The following SPG11 variants were observed in gnomAD, a reference collection of about 807,000 sequenced individuals.
The protein encoded by SPG11 is SPG11 vesicle trafficking associated, spatacsin, also known as spatacsin.
In SPG11, 222 loss-of-function variants were observed where a neutral mutation model predicts 274.0. That is an observed-to-expected ratio of 0.81 (90% CI 0.73 to 0.91). SPG11 has a LOEUF of 0.91. SPG11 is among the 40% of genes least tolerant of loss of function. The probability of loss-of-function intolerance (pLI) is 0.00; values close to 1 mark genes in which losing one functional copy is unlikely to be tolerated. For missense variants in SPG11, 3,114 were observed against 2,872.7 expected (o/e 1.08, Z -1.92); for synonymous variants, 1,144 against 1,039.7 (o/e 1.10, Z -1.93).
chr15:44,611,649 GAA>G (rs2083461907), intron 17 of SPG11, among the ~76,000 whole-genome samples: 1 of 151,688 alleles, frequency 6.6e-6, no homozygotes, highest in Non-Finnish European at 1.5e-5. Context: ...AAAATAATCT[GAA>G]ATAAGGACAG....
Position 44,573,568 on chromosome 15 carries a change from G to A in SPG11, c.6184C>T (p.Leu2062Phe). 1 of 1,614,188 alleles carries A rather than the reference G, an allele frequency of 6.2e-7. No individual in the cohort carries two copies. Among genetic ancestry groups the A allele is most frequent in the Non-Finnish European group, 8.5e-7 (1 of 1,180,030 alleles). ...LVAEEVTREL[L>F]TSSQGTGHKQ... ...GCACCTGTTCCCTGTGATGAAGTAA[G>A]CAGCTCCCGTGTCACCTCTTCTGCC... is the stretch of plus-strand genomic sequence containing the variant. The change falls in exon 32 of 40, where the codon CTT becomes TTT. Residue 2062 changes from leucine (L) to phenylalanine (F), a missense_variant. Coordinates refer to ENST00000261866, the MANE Select transcript of SPG11 (RefSeq NM_025137.4).
chr15:44,610,854 C>T lies in SPG11; in HGVS notation c.3277G>A (p.Gly1093Arg), dbSNP rs1181722515. Residue 1093 changes from glycine (G) to arginine (R), a missense_variant, in exon 18 of 40, where the codon GGG (glycine) becomes AGG (arginine). Gly to Arg is a moderately radical substitution (Grantham distance 125). Coordinates refer to ENST00000261866, the MANE Select transcript of SPG11 (RefSeq NM_025137.4). Reference protein sequence around the residue: ...LALATTMYSPGGVSQVVQNEE... With the variant: ...LALATTMYSPRGVSQVVQNEE... ...GCTATCCATACCTGACTGACACCCC[C>T]AGGAGAATACATTGTAGTAGCAAGG... 6.2e-7 allele frequency: 1 copy of T among 1,613,808 alleles called. No individual in the cohort carries two copies. The highest frequency in any genetic ancestry group is 8.5e-7 in the Non-Finnish European group (1 of 1,179,962).
intron 8 of SPG11, among the ~76,000 whole-genome samples, chr15:44,630,854 A>C (rs935560020): frequency 6.6e-6 from 1 of 152,222 alleles, no homozygotes; most frequent in Non-Finnish European, 1.5e-5. Context: ...CTGGGATCAT[A>C]GGCGTGAGAC....
intron 4 of SPG11, among the ~76,000 whole-genome samples, chr15:44,656,266 G>T (rs1300358118): frequency 1.3e-5 from 2 of 152,164 alleles, no homozygotes; most frequent in African/African-American, 4.8e-5. Flanking sequence ...ACCTAGAGTG[G>T]TATCAATTTT....
At chr15:44,593,033 C>T (rs1448863275) in intron 26 of SPG11, among the ~76,000 whole-genome samples, 1 of 151,574 alleles carries the variant, frequency 6.6e-6, no homozygotes, top group African/African-American at 2.4e-5. Context: ...CAGATTAAAT[C>T]ATGTACGTTA....
chr15:44,636,425 AG>A (rs2084253838), intron 7 of SPG11, among the ~76,000 whole-genome samples: 1 of 151,688 alleles, frequency 6.6e-6, no homozygotes. Context: ...AAAATGGTTA[AG>A]AAAAAAAAAA....
intron 6 of SPG11, among the ~76,000 whole-genome samples, chr15:44,650,064 T>C (rs1248694320): frequency 6.6e-6 from 1 of 152,196 alleles, no homozygotes; most frequent in Non-Finnish European, 1.5e-5. Flanking sequence ...AATTTGGGTA[T>C]AGAAGAAACA....
At chr15:44,591,198 G>A (rs2082891743) in intron 27 of SPG11, among the ~76,000 whole-genome samples, 1 of 152,056 alleles carries the variant, frequency 6.6e-6, no homozygotes. Flanking sequence ...GTTGTTTAAG[G>A]GAATTATTAT....
At chr15:44,589,692 G>T (rs1275087888) in intron 27 of SPG11, among the ~76,000 whole-genome samples, 4 of 152,232 alleles carry the variant, frequency 2.6e-5, no homozygotes, top group African/African-American at 9.6e-5. Flanking sequence ...GAGTCCTAAA[G>T]ACTGAATGCT....
chr15:44,585,806 C>T lies in SPG11; in HGVS notation c.4951G>A (p.Asp1651Asn), dbSNP rs2082749974. 4 of 1,613,728 alleles carry T rather than the reference C, an allele frequency of 2.5e-6. No individual in the cohort carries two copies. Among genetic ancestry groups the T allele is most frequent in the African/African-American group, 1.3e-5 (1 of 74,820 alleles). ...GTATGATTAATGGCTATGGATGTAT[C>T]CTTCAAAATCTGGCAAAGGATGCAA... ...KLCILCQILK[D>N]TSIAINHTII... Residue 1651 changes from aspartate to asparagine, a missense_variant, in exon 29 of 40, where the codon GAT (aspartate) becomes AAT (asparagine). Asp to Asn is a conservative substitution (Grantham distance 23, BLOSUM62 1). Transcript: ENST00000261866.
chr15:44,569,600 A>G, intron 34 of SPG11, 95 bp from the exon 35 acceptor site: 1 of 915,578 alleles, frequency 1.1e-6, no homozygotes, highest in South Asian at 1.4e-5. Context: ...TCAGATGCCA[A>G]GCTCCAGGAG....
chr15:44,604,198 CTA>C, intron 20 of SPG11: 1 of 398,558 alleles, frequency 2.5e-6, no homozygotes. Context: ...GACCTGATTC[CTA>C]AAAAAAAAAA....
At chr15:44,609,895 ATTTTTTTT>A (rs771457335) in intron 18 of SPG11, among the ~76,000 whole-genome samples, 3 of 106,116 alleles carry the variant, frequency 2.8e-5, no homozygotes, top group Non-Finnish European at 5.6e-5. Flanking sequence ...TGCCCAGCTA[ATTTTTTTT>A]TTTTTTTTTT....
At chr15:44,575,432 C>T (rs2082515192) in intron 30 of SPG11, among the ~76,000 whole-genome samples, 1 of 151,876 alleles carries the variant, frequency 6.6e-6, no homozygotes, top group South Asian at 2.1e-4. Context: ...ACTCTGCATT[C>T]TGAGGAGCTG....
chr15:44,642,625 C>A (rs2084487096), intron 7 of SPG11, among the ~76,000 whole-genome samples: 1 of 151,210 alleles, frequency 6.6e-6, no homozygotes, highest in South Asian at 2.1e-4. Flanking sequence ...CTTTAAGAGA[C>A]CAAAGCAGGA....
At chr15:44,628,011 A>C (rs1046746175) in intron 10 of SPG11, among the ~76,000 whole-genome samples, 3 of 152,194 alleles carry the variant, frequency 2.0e-5, no homozygotes, top group Non-Finnish European at 2.9e-5. Flanking sequence ...TCTCCATCTT[A>C]TCACTTTAAT....
intron 7 of SPG11, among the ~76,000 whole-genome samples, chr15:44,639,446 G>A (rs1011765290): frequency 1.3e-5 from 2 of 152,232 alleles, no homozygotes; most frequent in African/African-American, 2.4e-5. Context: ...GTTCACGCCC[G>A]TAATCCCAGC....
At chr15:44,629,478 TAAACATA>T in intron 8 of SPG11, 90 bp from the exon 9 acceptor site, 1 of 1,412,002 alleles carries the variant, frequency 7.1e-7, no homozygotes, top group Non-Finnish European at 9.7e-7. Context: ...ACAATATTTT[TAAACATA>T]AAACAAGGAC....
At position 44,608,449 on chromosome 15, in the gene SPG11, T is replaced by A; in HGVS notation, c.3448A>T (p.Ile1150Phe). ...LPSDITIYHL[I>F]QSLSPFDPSR... The stretch of plus-strand genomic sequence containing the variant: ...TGGCCACCTAAATACTGTACCTGAA[T>A]AAGGTGGTAGATTGTAATATCAGAT... Residue 1150 changes from isoleucine to phenylalanine, a missense_variant, in exon 19 of 40, where the codon ATT becomes TTT. By Grantham distance (21) the Ile-to-Phe change is conservative. Transcript: ENST00000261866. 1 of 1,613,928 alleles carries A rather than the reference T, an allele frequency of 6.2e-7. No individual in the cohort carries two copies. Among genetic ancestry groups the A allele is most frequent in the African/African-American group, 1.3e-5 (1 of 75,032 alleles).
Sources: gnomAD v4.1 joint callset for allele counts (sites outside exome capture counted in the v4.1 genomes callset) on GRCh38, gnomAD v4.1.1 for gene constraint, MANE v1.5 for transcripts, NCBI Gene and HGNC (gene_info 2026-07-23, HGNC 2026-07-21) for gene names.